Variants in SECISBP2L observed in about 807,000 individuals in gnomAD.
SECISBP2L encodes the protein selenocysteine insertion sequence-binding protein 2-like.
In SECISBP2L, 43 loss-of-function variants were observed where a neutral mutation model predicts 114.7. The ratio of observed to expected loss-of-function variants is 0.38; its 90% confidence interval spans 0.29 to 0.48. The LOEUF is 0.48. Among genes scored for constraint, SECISBP2L ranks in the 20% least tolerant of loss-of-function variants. The pLI, the probability that SECISBP2L is intolerant of heterozygous loss-of-function variation, is 0.98. For synonymous variants in SECISBP2L, 451 were observed against 439.7 expected (o/e 1.03, Z -0.32); for missense variants, 1,136 against 1,301.1 (o/e 0.87, Z 1.95).
chr15:49,006,967 G>A lies in SECISBP2L; in HGVS notation c.2027+2249C>T, dbSNP rs116500796. Among the ~76,000 whole-genome samples the A allele has an allele frequency of 8.8e-3, 1,339 of 152,204 alleles. 18 individuals are homozygous for A. The highest frequency in any genetic ancestry group is 0.031 in the African/African-American group (1,288 of 41,530). On this transcript the variant is annotated intron_variant, in intron 14 of 17. Transcript: ENST00000559471. ...TTGGTCTTTGATATTGGTGACCTTC[G>A]GTGGGGTTTTTGTGTGGACATCCTT...
chr15:49,028,220 T>C (rs1233572402), intron 5 of SECISBP2L, 52 bp from the exon 6 acceptor site: 2 of 1,453,074 alleles, frequency 1.4e-6, no homozygotes, highest in East Asian at 2.4e-5. Context: ...ACCAACATTA[T>C]GTACTTTGCT....
At chr15:49,017,997 T>C (rs1369455337) in intron 8 of SECISBP2L, among the ~76,000 whole-genome samples, 2 of 152,322 alleles carry the variant, frequency 1.3e-5, no homozygotes, top group East Asian at 3.9e-4. Context: ...ATTAATATAC[T>C]CCTTGTTCTG....
intron 11 of SECISBP2L, among the ~76,000 whole-genome samples, chr15:49,015,156 G>T (rs1902511449): frequency 6.6e-6 from 1 of 152,086 alleles, no homozygotes; most frequent in Non-Finnish European, 1.5e-5. Context: ...TAAGTAACTT[G>T]CCAATGAAAC....
intron 3 of SECISBP2L, 99 bp downstream of exon 3, chr15:49,035,235 G>A (rs1902980401): frequency 2.0e-6 from 2 of 986,254 alleles, no homozygotes; most frequent in Admixed American, 5.1e-5. Flanking sequence ...ATGTTTTATA[G>A]TAAATTCAGC....
At chr15:48,995,306 T>C (rs1482880647) in intron 17 of SECISBP2L, among the ~76,000 whole-genome samples, 3 of 152,198 alleles carry the variant, frequency 2.0e-5, no homozygotes, top group Non-Finnish European at 2.9e-5. Flanking sequence ...GTATCACTCC[T>C]GCAAAAGAAA....
chr15:49,043,315 C>A (rs2413924), intron 1 of SECISBP2L, among the ~76,000 whole-genome samples: 126,860 of 152,088 alleles, frequency 0.83, 54,209 homozygotes, highest in East Asian at 0.94. Flanking sequence ...ATTGGTAAAA[C>A]GCATGTTGCA....
intron 17 of SECISBP2L, among the ~76,000 whole-genome samples, chr15:48,994,297 T>TA (rs976962353): frequency 6.1e-4 from 93 of 152,342 alleles, no homozygotes; most frequent in African/African-American, 2.1e-3. Context: ...CAAAAACTAC[T>TA]AAATCTGTTT....
At chr15:49,011,452 T>C in intron 13 of SECISBP2L, 1 of 302,638 alleles carries the variant, frequency 3.3e-6, no homozygotes, top group Non-Finnish European at 6.1e-6. Context: ...ATTCCAGAGA[T>C]CCCATGCATT....
intron 4 of SECISBP2L, among the ~76,000 whole-genome samples, chr15:49,029,604 C>T (rs2141080465): frequency 6.6e-6 from 1 of 152,228 alleles, no homozygotes; most frequent in South Asian, 2.1e-4. Context: ...AACAATAGTA[C>T]TGTTGACATT....
rs1274195238 is a variant in SECISBP2L at position 49,028,509 on chromosome 15, T to C, written c.838A>G (p.Ser280Gly). ...GCCCCTGCTGCAGGCTGGTTGTTGC[T>C]GTGTTTGGGACTGCAGTAACCACTA... Reference protein sequence around the residue: ...SDSGYCSPKHSNNQPAAGALR... With the variant: ...SDSGYCSPKHGNNQPAAGALR... Residue 280 changes from serine (S) to glycine (G), a missense_variant, in exon 5 of 18, where the codon AGC becomes GGC. Ser to Gly is a moderately conservative substitution (Grantham distance 56, BLOSUM62 0). Around this residue, in one of 2 missense-constraint regions of SECISBP2L, gnomAD observed 452 missense variants for 452.3 expected, o/e 1.00. Transcript: ENST00000559471. 1 of 1,614,166 alleles carries C rather than the reference T, an allele frequency of 6.2e-7. No homozygotes were observed. Among genetic ancestry groups the C allele is most frequent in the Non-Finnish European group, 8.5e-7 (1 of 1,180,020 alleles).
At chr15:48,998,001 T>C (rs1490706201) in intron 16 of SECISBP2L, among the ~76,000 whole-genome samples, 1 of 152,266 alleles carries the variant, frequency 6.6e-6, no homozygotes, top group Admixed American at 6.5e-5. Context: ...CTTTTAGTTA[T>C]GCCATAATTC....
intron 13 of SECISBP2L, 186 bp downstream of exon 13, chr15:49,011,545 T>C (rs2141068920): frequency 1.6e-6 from 1 of 623,684 alleles, no homozygotes; most frequent in East Asian, 2.8e-5. Context: ...ATAATACCTG[T>C]CCCCTTCTCT....
intron 13 of SECISBP2L, 88 bp from the exon 14 acceptor site, chr15:49,009,466 T>G: frequency 4.6e-6 from 6 of 1,315,436 alleles, no homozygotes; most frequent in South Asian, 1.5e-5. Flanking sequence ...AGAATGGCCA[T>G]TGTCTTTTGG....
chr15:49,035,712 CT>C (rs1306125108), intron 2 of SECISBP2L, 54 bp from the exon 3 acceptor site: 1 of 1,489,742 alleles, frequency 6.7e-7, no homozygotes, highest in African/African-American at 1.4e-5. Context: ...AAAAATACCA[CT>C]AAAGCAAAAT....
chr15:48,997,052 G>C (rs1595781234), intron 16 of SECISBP2L, among the ~76,000 whole-genome samples: 1 of 152,172 alleles, frequency 6.6e-6, no homozygotes, highest in Admixed American at 6.5e-5. Flanking sequence ...ACTCTAAACT[G>C]CTGGGCATCA....
Position 48,992,603 on chromosome 15 carries a change from G to C in SECISBP2L, c.2947C>G (p.Leu983Val). ...NSSITSTTST[L>V]VPGMLEEEED... ...TCTTCTTCAAGCATGCCAGGTACAA[G>C]AGTGCTGGTGGTGCTGGTGATGGAG... is the stretch of plus-strand genomic sequence containing the variant. The change falls in exon 18 of 18, where the codon CTT becomes GTT. Residue 983 changes from leucine to valine, a missense_variant. Leu to Val is a conservative substitution (Grantham distance 32). Coordinates refer to ENST00000559471, the MANE Select transcript of SECISBP2L (RefSeq NM_001193489.2). The C allele has an allele frequency of 6.2e-7, 1 of 1,614,134 alleles. No homozygotes were observed. The highest frequency in any genetic ancestry group is 1.1e-5 in the South Asian group (1 of 91,078).
intron 1 of SECISBP2L, among the ~76,000 whole-genome samples, chr15:49,043,237 C>T (rs1482552475): frequency 6.6e-6 from 1 of 152,028 alleles, no homozygotes; most frequent in Non-Finnish European, 1.5e-5. Flanking sequence ...ATTTGGAGTA[C>T]TGACATTACT....
chr15:49,007,778 C>T (rs1902354359), intron 14 of SECISBP2L, among the ~76,000 whole-genome samples: 1 of 152,164 alleles, frequency 6.6e-6, no homozygotes, highest in Non-Finnish European at 1.5e-5. Context: ...GGATAGATTT[C>T]TGGGCACTGG....
chr15:49,027,224 TAGCTAAGCCA>T, intron 7 of SECISBP2L, 131 bp downstream of exon 7: 1 of 508,316 alleles, frequency 2.0e-6, no homozygotes, highest in East Asian at 3.0e-5. Flanking sequence ...GTAAGTTTAT[TAGCTAAGCCA>T]TTTTAAAGTT....
Sources: allele counts gnomAD v4.1 joint callset (sites outside exome capture counted in the v4.1 genomes callset), GRCh38; gene constraint gnomAD v4.1.1; regional missense constraint gnomAD v4.1.1; transcripts MANE v1.5; gene names NCBI Gene and HGNC (gene_info 2026-07-23, HGNC 2026-07-21).